Variants in RALYL observed in about 807,000 individuals in gnomAD.
RALYL encodes the protein RNA-binding Raly-like protein.
Under a neutral mutation model 35.1 loss-of-function variants are expected in RALYL, and 29 were observed. The observed-to-expected ratio is 0.83, with a 90% CI of 0.61 to 1.13. RALYL has a LOEUF of 1.13. Ranked by LOEUF, RALYL falls within the 50% of genes most tolerant of loss-of-function variation. RALYL has a pLI of 0.00. For synonymous variants in RALYL, 120 were observed against 127.6 expected, an observed-to-expected ratio of 0.94 and a Z score of 0.40; for missense variants, 359 against 360.4, an observed-to-expected ratio of 1.00 and a Z score of 0.03.
chr8:84,254,058 G>T (rs1379176040), intron 1 of RALYL, among the ~76,000 whole-genome samples: 1 of 152,174 alleles, frequency 6.6e-6, no homozygotes, highest in Non-Finnish European at 1.5e-5. Context: ...TCAAGTCCTG[G>T]GGACCGCCAC....
chr8:84,550,770 A>C (rs1261773182), intron 2 of RALYL, among the ~76,000 whole-genome samples: 1 of 151,934 alleles, frequency 6.6e-6, no homozygotes, highest in African/African-American at 2.4e-5. Context: ...TGTTGAAAGT[A>C]AATTAAGGCT....
At chr8:84,843,026 A>T (rs1306926339) in intron 4 of RALYL, among the ~76,000 whole-genome samples, 2 of 152,252 alleles carry the variant, frequency 1.3e-5, no homozygotes, top group African/African-American at 4.8e-5. Context: ...GAATGGGCAA[A>T]AACTGGAAGC....
At chr8:84,697,304 TA>T (rs1839339627) in intron 2 of RALYL, among the ~76,000 whole-genome samples, 1 of 152,078 alleles carries the variant, frequency 6.6e-6, no homozygotes, top group Non-Finnish European at 1.5e-5. Flanking sequence ...TTAAGCATTA[TA>T]TTTTTAAACT....
chr8:84,810,586 T>C (rs1461046578), intron 4 of RALYL, among the ~76,000 whole-genome samples: 1 of 152,192 alleles, frequency 6.6e-6, no homozygotes, highest in Non-Finnish European at 1.5e-5. Flanking sequence ...CAGTGGAGTA[T>C]TGAAGTTCCC....
intron 2 of RALYL, among the ~76,000 whole-genome samples, chr8:84,756,576 T>A (rs1293520745): frequency 6.6e-6 from 1 of 152,166 alleles, no homozygotes; most frequent in Non-Finnish European, 1.5e-5. Flanking sequence ...CACACACCTA[T>A]CTTCCCAACA....
At chr8:84,555,624 G>C (rs1445448828) in intron 2 of RALYL, among the ~76,000 whole-genome samples, 1 of 152,120 alleles carries the variant, frequency 6.6e-6, no homozygotes. Flanking sequence ...TGAATGTTCT[G>C]TTTTGACATT....
At chr8:84,513,678 T>G (rs2057807330) in intron 1 of RALYL, among the ~76,000 whole-genome samples, 1 of 152,166 alleles carries the variant, frequency 6.6e-6, no homozygotes, top group Non-Finnish European at 1.5e-5. Flanking sequence ...AGATGCATAT[T>G]CTATAATTGT....
In RALYL at chr8:84,620,000, G is replaced by A. The variant is rs374857626; in HGVS notation, c.256+90423G>A. Among the ~76,000 whole-genome samples, 86 of 152,030 alleles carry A rather than the reference G, an allele frequency of 5.7e-4. 1 individual carries two copies. Among genetic ancestry groups the A allele is most frequent in the Admixed American group, 1.4e-3 (21 of 15,286 alleles). ...ATGGGCTTCCCTTTGAGGGTAACCC[G>A]ACCTTTCTCTCTGGCTGCCCTTAAC... On this transcript the variant is annotated intron_variant, in intron 2 of 8. Coordinates refer to ENST00000521268, the MANE Select transcript of RALYL (RefSeq NM_173848.7).
intron 2 of RALYL, among the ~76,000 whole-genome samples, chr8:84,614,848 G>C (rs567797182): frequency 6.7e-6 from 1 of 149,472 alleles, no homozygotes; most frequent in South Asian, 2.1e-4. Context: ...AAATATGCTG[G>C]TAGATTTGAA....
chr8:84,679,063 G>T, intron 2 of RALYL: 1 of 300,392 alleles, frequency 3.3e-6, no homozygotes, highest in East Asian at 8.4e-5. Context: ...AATGCTCCAG[G>T]GTGAACAATG....
At chr8:84,774,802 A>C in intron 3 of RALYL, 148 bp downstream of exon 3, 1 of 630,268 alleles carries the variant, frequency 1.6e-6, no homozygotes, top group African/African-American at 1.8e-5. Context: ...CAACATATAA[A>C]TATATCTTGC....
chr8:84,823,745 T>TCTC (rs1180532587), intron 4 of RALYL, among the ~76,000 whole-genome samples: 1 of 152,026 alleles, frequency 6.6e-6, no homozygotes, highest in African/African-American at 2.4e-5. Flanking sequence ...CTCCTCATTC[T>TCTC]CTCCTTGTCC....
rs538405343 is a variant in RALYL at position 84,666,835 on chromosome 8, T to C, written c.257-107744T>C. On this transcript the variant is annotated intron_variant, in intron 2 of 8. Transcript: ENST00000521268. Reference sequence around the variant, plus strand: ...GCCAGTTGATGGTGCTTGGAGTTTATTCATGTATTTATTCTGCAAACATTC... The same window carrying C: ...GCCAGTTGATGGTGCTTGGAGTTTACTCATGTATTTATTCTGCAAACATTC... Among the ~76,000 whole-genome samples, 36 of 152,208 alleles carry C rather than the reference T, an allele frequency of 2.4e-4. 1 individual carries two copies. In the South Asian group the frequency reaches 7.5e-3, roughly 32 times the overall value.
At chr8:84,454,287 A>G (rs2049880136) in intron 1 of RALYL, among the ~76,000 whole-genome samples, 1 of 150,686 alleles carries the variant, frequency 6.6e-6, no homozygotes. Flanking sequence ...AAAAATACTT[A>G]GATTTCTAGA....
chr8:84,780,985 A>C (rs765044709), intron 3 of RALYL, among the ~76,000 whole-genome samples: 1 of 152,072 alleles, frequency 6.6e-6, no homozygotes, highest in Non-Finnish European at 1.5e-5. Context: ...CAGTCTCCTG[A>C]GTAGCTGGGA....
intron 1 of RALYL, among the ~76,000 whole-genome samples, chr8:84,487,502 C>T (rs1011770809): frequency 2.0e-5 from 3 of 151,960 alleles, no homozygotes; most frequent in Admixed American, 1.3e-4. Context: ...TAGAAAAAGT[C>T]CTTTAAAGTA....
At chr8:84,503,561 G>T (rs1296610503) in intron 1 of RALYL, among the ~76,000 whole-genome samples, 1 of 151,816 alleles carries the variant, frequency 6.6e-6, no homozygotes, top group Admixed American at 6.6e-5. Context: ...TATAGAAAAT[G>T]AAAGCAAGGC....
At chr8:84,866,037 C>A (rs1839117774) in intron 6 of RALYL, among the ~76,000 whole-genome samples, 1 of 152,156 alleles carries the variant, frequency 6.6e-6, no homozygotes, top group South Asian at 2.1e-4. Context: ...AGCAACATAT[C>A]ATTAAACATT....
At chr8:84,362,965 G>A (rs1586608500) in intron 1 of RALYL, among the ~76,000 whole-genome samples, 1 of 151,960 alleles carries the variant, frequency 6.6e-6, no homozygotes, top group African/African-American at 2.4e-5. Context: ...GTGTCTGAAA[G>A]GGGGAGATTG....
Sources: allele counts gnomAD v4.1 joint callset (sites outside exome capture counted in the v4.1 genomes callset), GRCh38; gene constraint gnomAD v4.1.1; transcripts MANE v1.5; gene names NCBI Gene and HGNC (gene_info 2026-07-23, HGNC 2026-07-21).